Variants in TCF4 observed in about 807,000 individuals in gnomAD.
TCF4 encodes transcription factor 4, also known as SL3-3 enhancer factor 2.
In TCF4, 3 loss-of-function variants were observed where a neutral mutation model predicts 82.1. The ratio of observed to expected loss-of-function variants is 0.04; its 90% CI spans 0.02 to 0.09. The LOEUF (loss-of-function observed/expected upper bound fraction) is 0.09. Among genes scored for constraint, TCF4 ranks in the 10% least tolerant of loss-of-function variants. The pLI is 1.00. For missense variants in TCF4, 518 were observed against 852.7 expected, an observed-to-expected ratio of 0.61 and a Z score of 4.89; for synonymous variants, 276 against 309.6, an observed-to-expected ratio of 0.89 and a Z score of 1.14.
At chr18:55,470,321 A>C (rs1397446930) in intron 3 of TCF4, among the ~76,000 whole-genome samples, 1 of 152,186 alleles carries the variant, frequency 6.6e-6, no homozygotes, top group Non-Finnish European at 1.5e-5. Flanking sequence ...TGTTCTGCTA[A>C]ACAGGTCAGT....
intron 6 of TCF4, among the ~76,000 whole-genome samples, chr18:55,385,267 T>G (rs1029907480): frequency 2.6e-5 from 4 of 152,222 alleles, no homozygotes; most frequent in African/African-American, 9.6e-5. Context: ...CATTTAAACT[T>G]GACCCTGATT....
intron 5 of TCF4, among the ~76,000 whole-genome samples, chr18:55,457,256 C>G (rs1252796003): frequency 6.6e-6 from 1 of 152,186 alleles, no homozygotes; most frequent in Admixed American, 6.5e-5. Flanking sequence ...CACTAAAACC[C>G]TGTATGACAA....
intron 3 of TCF4, among the ~76,000 whole-genome samples, chr18:55,497,978 A>G (rs931608149): frequency 5.3e-5 from 8 of 152,366 alleles, no homozygotes; most frequent in Admixed American, 1.3e-4. Flanking sequence ...CCCACTTGTT[A>G]TACCTACTGA....
Position 55,505,566 on chromosome 18 carries a change from A to C in TCF4, c.146-41429T>G, listed in dbSNP as rs576869847. On this transcript the variant is annotated intron_variant, in intron 3 of 19. Coordinates refer to ENST00000354452, the MANE Select transcript of TCF4 (RefSeq NM_001083962.2). ...ACGCCTGTAATCCCAGCACTTTGGA[A>C]GGCCGAGGCGGGCGGATCACGAGGT... Among the ~76,000 whole-genome samples the C allele has an allele frequency of 3.1e-3, 467 of 152,016 alleles. 13 individuals carry two copies. In the East Asian group the frequency reaches 0.049, roughly 16 times the overall value.
intron 9 of TCF4, among the ~76,000 whole-genome samples, chr18:55,278,473 G>C (rs577446792): frequency 1.3e-5 from 2 of 152,142 alleles, no homozygotes; most frequent in African/African-American, 4.8e-5. Context: ...GAGCCCTTAG[G>C]GGCATCCTCC....
intron 8 of TCF4, chr18:55,322,089 T>C (rs2075651604): frequency 9.2e-7 from 1 of 1,085,236 alleles, no homozygotes; most frequent in Non-Finnish European, 1.1e-6. Flanking sequence ...TTCTTTTTCT[T>C]TTCTTTTTTT....
intron 8 of TCF4, chr18:55,321,663 C>T: frequency 6.5e-7 from 1 of 1,536,166 alleles, no homozygotes; most frequent in Non-Finnish European, 8.7e-7. Flanking sequence ...AGCCCGCATT[C>T]GCTTACCGCT....
intron 2 of TCF4, among the ~76,000 whole-genome samples, chr18:55,604,619 G>T (rs943854649): frequency 3.3e-5 from 5 of 152,194 alleles, no homozygotes; most frequent in Admixed American, 2.0e-4. Context: ...TGTGTGGCAA[G>T]ACCGGATCTC....
At position 55,581,037 on chromosome 18, in the gene TCF4, T is replaced by C. The variant is rs188970296; in HGVS notation, c.145+4243A>G. 2.0e-5 allele frequency among the ~76,000 whole-genome samples: 3 copies of C among 151,994 alleles called. No individual in the cohort carries two copies. In the East Asian group the frequency reaches 5.8e-4, roughly 29 times the overall value. ...CACACTATTATTTTACCCAACATCA[T>C]GCAAAACAGTCACAGGGAAGACCAG... On this transcript the variant is annotated intron_variant, in intron 3 of 19. Transcript: ENST00000354452.
chr18:55,379,625 GT>G (rs373647052), intron 6 of TCF4, among the ~76,000 whole-genome samples: 4 of 151,904 alleles, frequency 2.6e-5, no homozygotes, highest in Non-Finnish European at 4.4e-5. Context: ...AGTTTTTGGG[GT>G]TTTTTTTGGT....
At chr18:55,232,799 T>A in intron 16 of TCF4, 128 bp from the exon 17 acceptor site, 1 of 1,227,276 alleles carries the variant, frequency 8.1e-7, no homozygotes, top group South Asian at 1.3e-5. Flanking sequence ...TTTTTCCCCC[T>A]GCTATCTGTT....
At chr18:55,370,665 C>T (rs1232583806) in intron 6 of TCF4, among the ~76,000 whole-genome samples, 1 of 151,966 alleles carries the variant, frequency 6.6e-6, no homozygotes, top group African/African-American at 2.4e-5. Flanking sequence ...GACAACTCTC[C>T]CCCCCAAAAT....
At chr18:55,301,009 C>G (rs1027777672) in intron 8 of TCF4, among the ~76,000 whole-genome samples, 2 of 152,048 alleles carry the variant, frequency 1.3e-5, no homozygotes, top group African/African-American at 4.8e-5. Flanking sequence ...AGGGAATGAC[C>G]CCCCTGGTCC....
At chr18:55,274,545 A>ACTTT in intron 10 of TCF4, among the ~76,000 whole-genome samples, 1 of 152,202 alleles carries the variant, frequency 6.6e-6, no homozygotes, top group Non-Finnish European at 1.5e-5. Flanking sequence ...TGAGCAAAAG[A>ACTTT]GAGCAAAGAC....
chr18:55,503,074 G>A (rs987079138), intron 3 of TCF4, among the ~76,000 whole-genome samples: 4 of 152,100 alleles, frequency 2.6e-5, no homozygotes, highest in Admixed American at 6.5e-5. Flanking sequence ...TTTTGGAACT[G>A]CCTTAGTTAC....
At chr18:55,550,206 G>A (rs2097248601) in intron 3 of TCF4, 1 of 152,254 alleles carries the variant, frequency 6.6e-6, no homozygotes. Context: ...AATGAAACAA[G>A]TGCTGCAAGC....
chr18:55,497,054 G>A (rs1171016985), intron 3 of TCF4, among the ~76,000 whole-genome samples: 4 of 152,256 alleles, frequency 2.6e-5, no homozygotes, highest in African/African-American at 9.6e-5. Context: ...TCCACTGGGA[G>A]CAAATCAGCC....
At chr18:55,288,631 G>T (rs2064276283) in intron 8 of TCF4, among the ~76,000 whole-genome samples, 1 of 152,212 alleles carries the variant, frequency 6.6e-6, no homozygotes, top group South Asian at 2.1e-4. Flanking sequence ...TAGCAGCCTA[G>T]GGCTGTTTTG....
At chr18:55,361,760 G>C (rs1462964817) in intron 6 of TCF4, among the ~76,000 whole-genome samples, 1 of 152,180 alleles carries the variant, frequency 6.6e-6, no homozygotes, top group East Asian at 1.9e-4. Flanking sequence ...CTCAGTAAAA[G>C]GCAGCAATCA....
Sources: allele counts gnomAD v4.1 joint callset (sites outside exome capture counted in the v4.1 genomes callset), GRCh38; gene constraint gnomAD v4.1.1; transcripts MANE v1.5; gene names NCBI Gene and HGNC (gene_info 2026-07-23, HGNC 2026-07-21).